The following SPDYE10 variants were observed in gnomAD, a reference collection of about 807,000 sequenced individuals.
SPDYE10 encodes speedy/RINGO cell cycle regulator family member E10.
At chr7:73,147,910 G>T in the SPDYE10 span, among the ~76,000 whole-genome samples, 2 of 151,042 alleles carry the variant, frequency 1.3e-5, no homozygotes, top group Non-Finnish European at 2.9e-5. Context: ...CGGTTCAAGC[G>T]ATTCTCCTGC....
At chr7:73,115,712 C>T in the SPDYE10 span, among the ~76,000 whole-genome samples, 5 of 44,314 alleles carry the variant, frequency 1.1e-4, no homozygotes, top group Middle Eastern at 5.5e-3. Flanking sequence ...ATAAAATCCA[C>T]TCCTGGTCAG....
chr7:73,113,798 G>A, the SPDYE10 span, among the ~76,000 whole-genome samples: 1 of 151,936 alleles, frequency 6.6e-6, no homozygotes, highest in Admixed American at 6.5e-5. Context: ...CACTTTGGGA[G>A]GCCAAGGAGG....
At chr7:73,115,008 C>G in the SPDYE10 span, among the ~76,000 whole-genome samples, 1 of 152,132 alleles carries the variant, frequency 6.6e-6, no homozygotes, top group African/African-American at 2.4e-5. Context: ...GCGATTCCCC[C>G]ACCTCAGCCT....
chr7:73,155,083 C>T, the SPDYE10 span: 3 of 144,982 alleles, frequency 2.1e-5, no homozygotes, highest in Non-Finnish European at 3.0e-5. Flanking sequence ...TTTTGTCCGG[C>T]CCGGCCCGGC....
At chr7:73,132,149 TTAATC>T in the SPDYE10 span, among the ~76,000 whole-genome samples, 1 of 97,402 alleles carries the variant, frequency 1.0e-5, no homozygotes, top group Non-Finnish European at 2.1e-5. Context: ...TGTCCTCACT[TTAATC>T]TAAACTCTGA....
At chr7:73,149,105 G>A in the SPDYE10 span, among the ~76,000 whole-genome samples, 4 of 150,768 alleles carry the variant, frequency 2.7e-5, no homozygotes, top group East Asian at 1.9e-4. Context: ...GTCAGCCTCC[G>A]AAGTAGCTGG....
At chr7:73,114,694 G>A in the SPDYE10 span, among the ~76,000 whole-genome samples, 8 of 144,956 alleles carry the variant, frequency 5.5e-5, no homozygotes, top group African/African-American at 1.0e-4. Flanking sequence ...ACGCCACCAC[G>A]GGTGTCTAAT....
At chr7:73,151,947 T>G in the SPDYE10 span, among the ~76,000 whole-genome samples, 1 of 150,304 alleles carries the variant, frequency 6.7e-6, no homozygotes, top group African/African-American at 2.5e-5. Context: ...GTCAGAAAAC[T>G]AGCCAAATCT....
chr7:73,127,607 G>T, the SPDYE10 span, among the ~76,000 whole-genome samples: 1 of 93,370 alleles, frequency 1.1e-5, no homozygotes. Context: ...GAGAGGAAGG[G>T]GAAGGGGAAG....
chr7:73,151,995 A>T, the SPDYE10 span, among the ~76,000 whole-genome samples: 94 of 149,054 alleles, frequency 6.3e-4, no homozygotes, highest in African/African-American at 2.3e-3. Flanking sequence ...GCTTTTTTTT[A>T]TTGTTGTTGT....
At chr7:73,137,608 AAGAAAG>A in the SPDYE10 span, among the ~76,000 whole-genome samples, 1 of 133,346 alleles carries the variant, frequency 7.5e-6, no homozygotes, top group East Asian at 2.0e-4. Flanking sequence ...GAAAGAAAGA[AAGAAAG>A]AAAGAAAGAA....
the SPDYE10 span, among the ~76,000 whole-genome samples, chr7:73,123,706 C>A: frequency 2.0e-5 from 3 of 152,026 alleles, no homozygotes; most frequent in African/African-American, 7.3e-5. Context: ...GATCTGCCCA[C>A]CTCAGCTTCC....
chr7:73,135,125 C>A, the SPDYE10 span, among the ~76,000 whole-genome samples: 2 of 152,180 alleles, frequency 1.3e-5, no homozygotes, highest in African/African-American at 4.8e-5. Flanking sequence ...CCTGCTCAGC[C>A]CTGGGGCAGC....
At chr7:73,142,806 G>A in the SPDYE10 span, among the ~76,000 whole-genome samples, 9 of 152,132 alleles carry the variant, frequency 5.9e-5, no homozygotes, top group East Asian at 1.9e-4. Flanking sequence ...GGTGGTGGGC[G>A]CCTGTAGTCC....
the SPDYE10 span, among the ~76,000 whole-genome samples, chr7:73,123,788 C>CTCTCTCT: frequency 9.7e-4 from 95 of 97,466 alleles, no homozygotes; most frequent in East Asian, 1.3e-3. Context: ...TCTCTCTCTC[C>CTCTCTCT]CTCTCTCTCT....
chr7:73,134,523 A>AAAAGAAAGAAAGAAAGAAAG, the SPDYE10 span, among the ~76,000 whole-genome samples: 1 of 5,058 alleles, frequency 2.0e-4, no homozygotes, highest in African/African-American at 6.1e-4. Context: ...AGTATAATAA[A>AAAAGAAAGAAAGAAAGAAAG]AAAGAAAGAA....
chr7:73,128,122 A>G, the SPDYE10 span, among the ~76,000 whole-genome samples: 3 of 152,144 alleles, frequency 2.0e-5, no homozygotes, highest in Admixed American at 6.5e-5. Context: ...AATATGTTGT[A>G]GCAGTTAAAA....
At chr7:73,135,047 T>C in the SPDYE10 span, among the ~76,000 whole-genome samples, 6 of 152,400 alleles carry the variant, frequency 3.9e-5, no homozygotes, top group African/African-American at 1.4e-4. Context: ...CCTGGAGCTG[T>C]CATCCTCACC....
the SPDYE10 span, among the ~76,000 whole-genome samples, chr7:73,126,666 G>A: frequency 6.8e-6 from 1 of 147,024 alleles, no homozygotes; most frequent in Non-Finnish European, 1.5e-5. Flanking sequence ...AGGATAAAGA[G>A]GAATTTTTTT....
Sources: allele counts gnomAD v4.1 joint callset (sites outside exome capture counted in the v4.1 genomes callset), GRCh38; gene constraint gnomAD v4.1.1; transcripts MANE v1.5; gene names NCBI Gene and HGNC (gene_info 2026-07-23, HGNC 2026-07-21).